The following DCLK1 variants were observed in gnomAD, a reference collection of about 807,000 sequenced individuals.
DCLK1 encodes serine/threonine-protein kinase DCLK1.
A neutral mutation model predicts 86.2 loss-of-function variants in DCLK1; 16 were observed. The observed-to-expected ratio is 0.19, with a 90% CI of 0.13 to 0.28. The LOEUF (loss-of-function observed/expected upper bound fraction) is 0.28. DCLK1 is among the 10% of genes least tolerant of loss of function. The probability of loss-of-function intolerance (pLI) is 1.00; values close to 1 mark genes in which losing one functional copy is unlikely to be tolerated. For synonymous variants in DCLK1, 369 were observed against 370.5 expected (o/e 1.00, Z 0.05); for missense variants, 590 against 940.2 (o/e 0.63, Z 4.87).
chr13:35,828,249 C>CTT lies in DCLK1; in HGVS notation c.1286_1287dup (p.Glu430LysfsTer4). On this transcript the variant is annotated frameshift_variant and splice_region_variant. Coordinates refer to ENST00000360631, the MANE Select transcript of DCLK1 (RefSeq NM_001330071.2). LOFTEE classifies it high-confidence loss of function. ...CTCATAAGAACAAATTTTATACATA[C>CTT]TTTGCCTCGACATTTGCTTTTCTTG... The CTT allele has an allele frequency of 6.2e-7, 1 of 1,609,890 alleles. No homozygotes were observed. Among genetic ancestry groups the CTT allele is most frequent in the Non-Finnish European group, 8.5e-7 (1 of 1,178,464 alleles).
At chr13:36,059,061 G>A (rs1479423368) in intron 3 of DCLK1, among the ~76,000 whole-genome samples, 1 of 152,076 alleles carries the variant, frequency 6.6e-6, no homozygotes, top group East Asian at 1.9e-4. Flanking sequence ...CTGCTCTGTG[G>A]GTTGAGAATT....
intron 16 of DCLK1, among the ~76,000 whole-genome samples, chr13:35,780,065 C>T (rs2086498781): frequency 6.6e-6 from 1 of 151,728 alleles, no homozygotes; most frequent in Non-Finnish European, 1.5e-5. Flanking sequence ...CCCTTTCAAC[C>T]ATTTCTAAAA....
intron 3 of DCLK1, 103 bp downstream of exon 3, chr13:36,111,766 G>T: frequency 1.0e-6 from 1 of 980,076 alleles, no homozygotes; most frequent in Non-Finnish European, 1.5e-6. Context: ...AGTGACCCAG[G>T]CCCTTTAACA....
chr13:35,882,254 G>A (rs1872960491), intron 4 of DCLK1, among the ~76,000 whole-genome samples: 1 of 152,166 alleles, frequency 6.6e-6, no homozygotes, highest in South Asian at 2.1e-4. Flanking sequence ...GTGTGTCTGT[G>A]TTATTTCCTT....
chr13:36,104,906 A>G (rs1245096695), intron 3 of DCLK1, among the ~76,000 whole-genome samples: 1 of 152,182 alleles, frequency 6.6e-6, no homozygotes, highest in African/African-American at 2.4e-5. Context: ...TTATACAACT[A>G]CAAGGGTCTT....
chr13:35,976,525 G>T (rs1387257212), intron 3 of DCLK1, among the ~76,000 whole-genome samples: 1 of 56,372 alleles, frequency 1.8e-5, no homozygotes, highest in East Asian at 5.2e-4. Flanking sequence ...CTTCTCCGAG[G>T]TTTTTTTTTT....
chr13:35,792,713 C>T (rs1005610902), intron 16 of DCLK1, among the ~76,000 whole-genome samples: 5 of 152,134 alleles, frequency 3.3e-5, no homozygotes, highest in Non-Finnish European at 7.3e-5. Context: ...TAATCTTTGC[C>T]TAGAGCTGCG....
intron 2 of DCLK1, among the ~76,000 whole-genome samples, chr13:36,118,700 G>A (rs1235443222): frequency 1.3e-5 from 2 of 152,114 alleles, no homozygotes; most frequent in African/African-American, 4.8e-5. Flanking sequence ...AGAGAGAGAC[G>A]TTAAGGGTGA....
In DCLK1 at chr13:35,768,750, T is replaced by C. The variant is rs2086276582; in HGVS notation, c.*5785A>G. On this transcript the variant is annotated 3_prime_UTR_variant, in exon 17 of 17. Transcript: ENST00000360631. ...ATTTTTGAAATAGCTGTTTTTGAAT[T>C]ATGCTCATGAAATACACACTGTGCT... is the stretch of plus-strand genomic sequence containing the variant. 1 of 152,234 alleles carries C rather than the reference T, an allele frequency of 6.6e-6. No homozygotes were observed. Among genetic ancestry groups the C allele is most frequent in the Non-Finnish European group, 1.5e-5 (1 of 68,048 alleles). The allele number at this position is 152,234 out of a possible 1,614,324, so 9.4% of individuals were successfully genotyped here. A position where few individuals can be genotyped will look rare whatever the true frequency, so the allele number is the denominator to read the frequency against.
At chr13:35,775,455 C>T (rs895303275) in intron 16 of DCLK1, among the ~76,000 whole-genome samples, 4 of 152,246 alleles carry the variant, frequency 2.6e-5, no homozygotes, top group South Asian at 2.1e-4. Context: ...AGGAGACCTC[C>T]GATGATTCCC....
At chr13:35,858,259 A>G (rs1871189553) in intron 5 of DCLK1, among the ~76,000 whole-genome samples, 1 of 152,132 alleles carries the variant, frequency 6.6e-6, no homozygotes, top group African/African-American at 2.4e-5. Flanking sequence ...GAAATGTAAG[A>G]GGTAAAAACT....
intron 11 of DCLK1, among the ~76,000 whole-genome samples, chr13:35,813,518 A>G (rs2087195914): frequency 6.6e-6 from 1 of 152,172 alleles, no homozygotes; most frequent in African/African-American, 2.4e-5. Flanking sequence ...AATATGAATG[A>G]AAAATATAGT....
At chr13:35,962,938 T>A (rs1878534275) in intron 3 of DCLK1, among the ~76,000 whole-genome samples, 1 of 152,220 alleles carries the variant, frequency 6.6e-6, no homozygotes, top group Non-Finnish European at 1.5e-5. Flanking sequence ...TCATTGTTAG[T>A]TGTTTACATT....
intron 3 of DCLK1, among the ~76,000 whole-genome samples, chr13:36,085,265 A>ATAATAT (rs1437073281): frequency 6.6e-6 from 1 of 152,200 alleles, no homozygotes; most frequent in East Asian, 1.9e-4. Context: ...AACAATTCAA[A>ATAATAT]TAATATAAAG....
chr13:36,056,910 T>TATAG (rs1180013799), intron 3 of DCLK1, among the ~76,000 whole-genome samples: 1 of 117,908 alleles, frequency 8.5e-6, no homozygotes, highest in Non-Finnish European at 1.7e-5. Context: ...AAAAAAAATA[T>TATAG]ATATATATAT....
At chr13:35,779,832 C>T (rs1001810774) in intron 16 of DCLK1, among the ~76,000 whole-genome samples, 3 of 152,194 alleles carry the variant, frequency 2.0e-5, no homozygotes, top group Admixed American at 6.5e-5. Flanking sequence ...AAAATATATG[C>T]AGTTCATCTT....
At chr13:35,824,163 C>A (rs1488824056) in intron 10 of DCLK1, among the ~76,000 whole-genome samples, 1 of 152,056 alleles carries the variant, frequency 6.6e-6, no homozygotes, top group Non-Finnish European at 1.5e-5. Flanking sequence ...GTTATCTGGG[C>A]TCCTGGCATC....
At chr13:35,900,184 GGA>G (rs1874264069) in intron 4 of DCLK1, among the ~76,000 whole-genome samples, 1 of 151,982 alleles carries the variant, frequency 6.6e-6, no homozygotes, top group Non-Finnish European at 1.5e-5. Context: ...ATGTAATCAG[GGA>G]GAGAGTATAA....
intron 3 of DCLK1, among the ~76,000 whole-genome samples, chr13:36,076,058 C>G (rs774974598): frequency 6.6e-6 from 1 of 152,082 alleles, no homozygotes; most frequent in Non-Finnish European, 1.5e-5. Context: ...CTTGATCCTT[C>G]CTTCAATATA....
Sources: gnomAD v4.1 joint callset for allele counts (sites outside exome capture counted in the v4.1 genomes callset) on GRCh38, gnomAD v4.1.1 for gene constraint, MANE v1.5 for transcripts, NCBI Gene and HGNC (gene_info 2026-07-23, HGNC 2026-07-21) for gene names.